Variants in FEM1B observed in about 807,000 individuals in gnomAD.
FEM1B encodes the protein fem-1 homolog B.
A neutral mutation model predicts 38.6 loss-of-function variants in FEM1B; 10 were observed. The ratio of observed to expected loss-of-function variants is 0.26; its 90% CI spans 0.16 to 0.44. The LOEUF is 0.44. Among genes scored for constraint, FEM1B ranks in the 20% least tolerant of loss-of-function variants. The probability of loss-of-function intolerance (pLI) is 1.00; values close to 1 mark genes in which losing one functional copy is unlikely to be tolerated. For synonymous variants in FEM1B, 288 were observed against 288.0 expected, an observed-to-expected ratio of 1.00 and a Z score of 0.00; for missense variants, 471 against 786.7, an observed-to-expected ratio of 0.60 and a Z score of 4.80.
rs1892766664 is a variant in FEM1B at position 68,284,746 on chromosome 15, C to A, written c.249-4861C>A. 6.6e-6 allele frequency among the ~76,000 whole-genome samples: 1 copy of A among 152,158 alleles called. No homozygotes were observed. Among genetic ancestry groups the A allele is most frequent in the African/African-American group, 2.4e-5 (1 of 41,438 alleles). On this transcript the variant is annotated intron_variant, in intron 1 of 1. Transcript: ENST00000306917. The surrounding 1 kb of genome is among the most constrained non-coding windows in gnomAD (Gnocchi z 4.4). ...GGGTTTGGCTATGTCCCACCCAAAT[C>A]TTATCTTGAATTCCCACGTGTTGTG...
chr15:68,291,408 T>G lies in FEM1B; in HGVS notation c.*166T>G. 5.3e-6 allele frequency: 3 copies of G among 571,042 alleles called. 1 individual carries two copies. The South Asian group carries it at 7.8e-5, about 15-fold the overall frequency. The allele number at this position is 571,042 out of a possible 1,614,324, so 35.4% of individuals were successfully genotyped here. Reference sequence around the variant, plus strand: ...TTTGTTTTTCTTGCCTCATGGTAATTGATTTCAGACAGACTTTAACAAAAC... The same window carrying G: ...TTTGTTTTTCTTGCCTCATGGTAATGGATTTCAGACAGACTTTAACAAAAC... On this transcript the variant is annotated 3_prime_UTR_variant, in exon 2 of 2. Transcript: ENST00000306917. This position sits in a 1 kb window ranked among gnomAD's most constrained non-coding sequence, Gnocchi z 6.9.
rs1206178925 is a variant in FEM1B at position 68,295,674 on chromosome 15, G to T, written c.*4432G>T. On this transcript the variant is annotated 3_prime_UTR_variant, in exon 2 of 2. Transcript: ENST00000306917. ...TGACTTTAATAAACATAGTAAACTT[G>T]CTGACTGCACCAGAGGTCCATTAGT... The T allele has an allele frequency of 6.6e-6, 1 of 152,132 alleles. No individual in the cohort carries two copies. Among genetic ancestry groups the T allele is most frequent in the Non-Finnish European group, 1.5e-5 (1 of 68,024 alleles). 9.4% of individuals were successfully genotyped at this position (152,132 alleles called of 1,614,324 possible). A position where few individuals can be genotyped will look rare whatever the true frequency, so the allele number is the denominator to read the frequency against.
In FEM1B at chr15:68,290,049, A is replaced by G; in HGVS notation, c.691A>G (p.Lys231Glu). The G allele has an allele frequency of 6.2e-7, 1 of 1,614,244 alleles. No individual in the cohort carries two copies. Among genetic ancestry groups the G allele is most frequent in the South Asian group, 1.1e-5 (1 of 91,090 alleles). The change falls in exon 2 of 2, where the codon AAA becomes GAA. Residue 231 changes from lysine to glutamate, a missense_variant. Coordinates refer to ENST00000306917, the MANE Select transcript of FEM1B (RefSeq NM_015322.5). The surrounding 1 kb of genome is among the most constrained non-coding windows in gnomAD (Gnocchi z 9.7). ...TPLKVAAESC[K>E]ADVVELLLSH... ...ATTGAAAGTAGCTGCCGAAAGCTGT[A>G]AAGCTGATGTCGTAGAACTGTTACT...
Position 68,291,209 on chromosome 15 carries a change from C to T in FEM1B, c.1851C>T (p.Pro617=). The T allele has an allele frequency of 6.2e-7, 1 of 1,605,990 alleles. No homozygotes were observed. The change falls in exon 2 of 2, where the codon CCC becomes CCT. Residue 617 remains proline, a synonymous_variant. Coordinates refer to ENST00000306917, the MANE Select transcript of FEM1B (RefSeq NM_015322.5). The surrounding 1 kb of genome is among the most constrained non-coding windows in gnomAD (Gnocchi z 6.9). The part of the protein sequence containing the change: ...ANDINYQDQI[P]RTLEEFVGFH ...ACATTAACTACCAAGACCAGATCCC[C>T]AGAACTCTTGAAGAGTTTGTTGGAT...
In FEM1B at chr15:68,278,339, C is replaced by T. The variant is rs1406303021; in HGVS notation, c.-79C>T. ...GGGCTGTGAGGGCCCAGGTTTAAAGCGCTGGCGAACGCGGCCTCCGGGGGC... is the reference window on the plus strand; with the variant it reads ...GGGCTGTGAGGGCCCAGGTTTAAAGTGCTGGCGAACGCGGCCTCCGGGGGC... On this transcript the variant is annotated 5_prime_UTR_variant, in exon 1 of 2. Transcript: ENST00000306917. This position sits in a 1 kb window ranked among gnomAD's most constrained non-coding sequence, Gnocchi z 5.7. 1.3e-6 allele frequency: 2 copies of T among 1,515,880 alleles called. No homozygotes were observed. Among genetic ancestry groups the T allele is most frequent in the South Asian group, 1.3e-5 (1 of 78,882 alleles). The allele number at this position is 1,515,880 out of a possible 1,614,324, so 93.9% of individuals were successfully genotyped here. A position where few individuals can be genotyped will look rare whatever the true frequency, so the allele number is the denominator to read the frequency against.
Position 68,278,736 on chromosome 15 carries a change from C to CACCCTCTCTT in FEM1B, c.248+82_248+91dup, listed in dbSNP as rs1034135830. ...TTAATTCACGGGCCCTCCCCTCCCT[C>CACCCTCTCTT]ACCCTCTCTTACCCTCTCTTCATGT... On this transcript the variant is annotated intron_variant, in intron 1 of 1. Transcript: ENST00000306917. The surrounding 1 kb of genome is among the most constrained non-coding windows in gnomAD (Gnocchi z 5.7). 28 of 1,575,424 alleles carry CACCCTCTCTT rather than the reference C, an allele frequency of 1.8e-5. No individual in the cohort carries two copies. The African/African-American group carries it at 2.3e-4, about 13-fold the overall frequency.
chr15:68,286,416 G>C (rs755222191), intron 1 of FEM1B, among the ~76,000 whole-genome samples: 1 of 151,850 alleles, frequency 6.6e-6, no homozygotes, highest in Non-Finnish European at 1.5e-5. Context: ...TCGCACTGTT[G>C]CTCAGGCAAG....
intron 1 of FEM1B, among the ~76,000 whole-genome samples, chr15:68,283,885 C>CTT (rs35187853): frequency 1.1e-4 from 15 of 139,142 alleles, no homozygotes; most frequent in African/African-American, 2.1e-4. Flanking sequence ...CTCACGTAAA[C>CTT]TTTTTTTTTT....
At position 68,281,326 on chromosome 15, in the gene FEM1B, CCTG is replaced by C. The variant is rs1433736429; in HGVS notation, c.248+2665_248+2667del. ...AATTTTTGGCCAAATTGTTCACTAACCTGCTGTTTACTTAATAAATATCTTTTC... is the reference window on the plus strand; with the variant it reads ...AATTTTTGGCCAAATTGTTCACTAACCTGTTTACTTAATAAATATCTTTTC... On this transcript the variant is annotated intron_variant, in intron 1 of 1. Coordinates refer to ENST00000306917, the MANE Select transcript of FEM1B (RefSeq NM_015322.5). The surrounding 1 kb of genome is among the most constrained non-coding windows in gnomAD (Gnocchi z 5.1). 6.6e-6 allele frequency among the ~76,000 whole-genome samples: 1 copy of C among 152,146 alleles called. No individual in the cohort carries two copies. Among genetic ancestry groups the C allele is most frequent in the Non-Finnish European group, 1.5e-5 (1 of 68,030 alleles).
intron 1 of FEM1B, among the ~76,000 whole-genome samples, chr15:68,286,606 A>G (rs1892790518): frequency 6.6e-6 from 1 of 152,184 alleles, no homozygotes; most frequent in African/African-American, 2.4e-5. Context: ...GATCATGAAC[A>G]TGGAATATTT....
rs1892887667 is a variant in FEM1B, at chr15:68,294,908, T to G, written c.*3666T>G. On this transcript the variant is annotated 3_prime_UTR_variant, in exon 2 of 2. Coordinates refer to ENST00000306917, the MANE Select transcript of FEM1B (RefSeq NM_015322.5). This position sits in a 1 kb window ranked among gnomAD's most constrained non-coding sequence, Gnocchi z 4.4. ...TTAAGCTGTGTGTCCATTCCTACTCTGAAAATGCATAGCTTTGTTCTGGAT... is the reference window on the plus strand; with the variant it reads ...TTAAGCTGTGTGTCCATTCCTACTCGGAAAATGCATAGCTTTGTTCTGGAT... The G allele has an allele frequency of 6.6e-6, 1 of 152,224 alleles. No individual in the cohort carries two copies. Among genetic ancestry groups the G allele is most frequent in the Admixed American group, 6.5e-5 (1 of 15,284 alleles). 9.4% of individuals were successfully genotyped at this position (152,224 alleles called of 1,614,324 possible).
At position 68,278,810 on chromosome 15, in the gene FEM1B, C is replaced by A; in HGVS notation, c.248+145C>A. On this transcript the variant is annotated intron_variant, in intron 1 of 1. Coordinates refer to ENST00000306917, the MANE Select transcript of FEM1B (RefSeq NM_015322.5). This position sits in a 1 kb window ranked among gnomAD's most constrained non-coding sequence, Gnocchi z 5.7. ...GTACCACCTCCTGCCCCACTAATGCCCACTTCATCTTCCAGGGCTAATAAT... is the reference window on the plus strand; with the variant it reads ...GTACCACCTCCTGCCCCACTAATGCACACTTCATCTTCCAGGGCTAATAAT... 1 of 894,216 alleles carries A rather than the reference C, an allele frequency of 1.1e-6. No individual in the cohort carries two copies. Among genetic ancestry groups the A allele is most frequent in the Non-Finnish European group, 1.7e-6 (1 of 584,158 alleles). The allele number at this position is 894,216 out of a possible 1,614,324, so 55.4% of individuals were successfully genotyped here. A position where few individuals can be genotyped will look rare whatever the true frequency, so the allele number is the denominator to read the frequency against.
chr15:68,294,876 A>G lies in FEM1B; in HGVS notation c.*3634A>G, dbSNP rs887235885. The stretch of plus-strand genomic sequence containing the variant: ...TTGTGCTATGAAATATTTTTAGTCC[A>G]GAGGTTTTAAGCTGTGTGTCCATTC... On this transcript the variant is annotated 3_prime_UTR_variant, in exon 2 of 2. Coordinates refer to ENST00000306917, the MANE Select transcript of FEM1B (RefSeq NM_015322.5). The surrounding 1 kb of genome is among the most constrained non-coding windows in gnomAD (Gnocchi z 4.4). 2 of 152,198 alleles carry G rather than the reference A, an allele frequency of 1.3e-5. No individual in the cohort carries two copies. Among genetic ancestry groups the G allele is most frequent in the African/African-American group, 4.8e-5 (2 of 41,442 alleles). 9.4% of individuals were successfully genotyped at this position (152,198 alleles called of 1,614,324 possible).
rs1892718655 is a variant in FEM1B at position 68,280,867 on chromosome 15, T to C, written c.248+2202T>C. 1.3e-5 allele frequency among the ~76,000 whole-genome samples: 2 copies of C among 152,266 alleles called. No individual in the cohort carries two copies. Among genetic ancestry groups the C allele is most frequent in the African/African-American group, 4.8e-5 (2 of 41,472 alleles). ...ACAATTATGAATTTATTAGCTGCTA[T>C]GTAAAAATAGTCCTTATTAAATGCT... On this transcript the variant is annotated intron_variant, in intron 1 of 1. Coordinates refer to ENST00000306917, the MANE Select transcript of FEM1B (RefSeq NM_015322.5). The surrounding 1 kb of genome is among the most constrained non-coding windows in gnomAD (Gnocchi z 4.2).
At position 68,289,375 on chromosome 15, in the gene FEM1B, G is replaced by T. The variant is rs113170705; in HGVS notation, c.249-232G>T. On this transcript the variant is annotated intron_variant, in intron 1 of 1. Transcript: ENST00000306917. This position sits in a 1 kb window ranked among gnomAD's most constrained non-coding sequence, Gnocchi z 6.9. ...GTGATTTTTCAGGTTTGTTTTTTAG[G>T]GTTATATACTCTAGTAGTAACAGTA... 8.5e-6 allele frequency: 4 copies of T among 468,398 alleles called. No homozygotes were observed. The highest frequency in any genetic ancestry group is 1.5e-5 in the Non-Finnish European group (4 of 264,282). 29.0% of individuals were successfully genotyped at this position (468,398 alleles called of 1,614,324 possible).
rs986494032 is a variant in FEM1B, at chr15:68,295,789, C to T, written c.*4547C>T. On this transcript the variant is annotated 3_prime_UTR_variant, in exon 2 of 2. Transcript: ENST00000306917. ...GCAATTGACAGTCCTAATAACTCAGCTAATTTGAAACTAACAATCTTGCTG... is the reference window on the plus strand; with the variant it reads ...GCAATTGACAGTCCTAATAACTCAGTTAATTTGAAACTAACAATCTTGCTG... 6.6e-6 allele frequency: 1 copy of T among 152,090 alleles called. No individual in the cohort carries two copies. Among genetic ancestry groups the T allele is most frequent in the Non-Finnish European group, 1.5e-5 (1 of 68,016 alleles). 9.4% of individuals were successfully genotyped at this position (152,090 alleles called of 1,614,324 possible).
intron 1 of FEM1B, among the ~76,000 whole-genome samples, chr15:68,283,502 TAAAAAAA>T (rs60432847): frequency 6.9e-5 from 5 of 71,962 alleles, no homozygotes; most frequent in African/African-American, 1.3e-4. Context: ...CATCTCTACC[TAAAAAAA>T]AAAAAAAAAA....
rs561794745 is a variant in FEM1B, at chr15:68,285,792, C to T, written c.249-3815C>T. On this transcript the variant is annotated intron_variant, in intron 1 of 1. Transcript: ENST00000306917. Reference sequence around the variant, plus strand: ...CAAACAGTCCTCTTCTTAGCCCCCCCGCAGTGCTGGGATTACAGGTGTGAG... The same window carrying T: ...CAAACAGTCCTCTTCTTAGCCCCCCTGCAGTGCTGGGATTACAGGTGTGAG... 2.3e-4 allele frequency among the ~76,000 whole-genome samples: 35 copies of T among 152,096 alleles called. 1 individual carries two copies. Among genetic ancestry groups the T allele is most frequent in the African/African-American group, 6.7e-4 (28 of 41,498 alleles).
chr15:68,293,525 T>C lies in FEM1B; in HGVS notation c.*2283T>C, dbSNP rs186023604. On this transcript the variant is annotated 3_prime_UTR_variant, in exon 2 of 2. Coordinates refer to ENST00000306917, the MANE Select transcript of FEM1B (RefSeq NM_015322.5). This position sits in a 1 kb window ranked among gnomAD's most constrained non-coding sequence, Gnocchi z 5.8. ...ATGCTGAAGAAAGTAAAACTGTTGA[T>C]TGAAATGCTGACAGGGTGGAGAACG... is the stretch of plus-strand genomic sequence containing the variant. 6.6e-6 allele frequency: 1 copy of C among 152,260 alleles called. No individual in the cohort carries two copies. Among genetic ancestry groups the C allele is most frequent in the East Asian group, 1.9e-4 (1 of 5,190 alleles). 9.4% of individuals were successfully genotyped at this position (152,260 alleles called of 1,614,324 possible).
Sources: allele counts gnomAD v4.1 joint callset (sites outside exome capture counted in the v4.1 genomes callset), GRCh38; gene constraint gnomAD v4.1.1; non-coding constraint Gnocchi (gnomAD v3.1); transcripts MANE v1.5; gene names NCBI Gene and HGNC (gene_info 2026-07-23, HGNC 2026-07-21).